The following CDH4 variants were observed in gnomAD, a reference collection of about 807,000 sequenced individuals.
CDH4 encodes cadherin-4.
A neutral mutation model predicts 86.0 loss-of-function variants in CDH4; 33 were observed. The ratio of observed to expected loss-of-function variants is 0.38; its 90% CI spans 0.29 to 0.51. The LOEUF is 0.51. Among genes scored for constraint, CDH4 ranks in the 20% least tolerant of loss-of-function variants. The probability of loss-of-function intolerance (pLI) is 0.86; values close to 1 mark genes in which losing one functional copy is unlikely to be tolerated. For synonymous variants in CDH4, 555 were observed against 549.4 expected (o/e 1.01, Z -0.14); for missense variants, 1,114 against 1,307.4 (o/e 0.85, Z 2.28).
chr20:61,548,077 A>C (rs976174335), intron 2 of CDH4, among the ~76,000 whole-genome samples: 16 of 152,096 alleles, frequency 1.1e-4, no homozygotes, highest in South Asian at 2.1e-4. Flanking sequence ...TCTGTGTCTG[A>C]GCCCAGCCCT....
chr20:61,488,659 G>A (rs577514388), intron 2 of CDH4, among the ~76,000 whole-genome samples: 8 of 152,328 alleles, frequency 5.3e-5, no homozygotes, highest in Admixed American at 2.0e-4. Context: ...GAAAAAAAAT[G>A]GGGCTCTGCA....
At chr20:61,887,616 T>C (rs1185574994) in intron 7 of CDH4, among the ~76,000 whole-genome samples, 1 of 152,256 alleles carries the variant, frequency 6.6e-6, no homozygotes, top group African/African-American at 2.4e-5. Flanking sequence ...TTCCTATACA[T>C]TGAAAGCACC....
intron 2 of CDH4, among the ~76,000 whole-genome samples, chr20:61,395,832 C>G (rs1298105758): frequency 6.6e-6 from 1 of 152,164 alleles, no homozygotes; most frequent in Non-Finnish European, 1.5e-5. Context: ...GGCTTGCTAG[C>G]TTTGCTATCG....
chr20:61,733,861 G>A lies in CDH4; in HGVS notation c.170-9702G>A, dbSNP rs1398415037. Among the ~76,000 whole-genome samples, 3 of 152,170 alleles carry A rather than the reference G, an allele frequency of 2.0e-5. No homozygotes were observed. In the East Asian group the frequency reaches 5.8e-4, roughly 29 times the overall value. On this transcript the variant is annotated intron_variant, in intron 2 of 15. Coordinates refer to ENST00000614565, the MANE Select transcript of CDH4 (RefSeq NM_001794.5). Reference sequence around the variant, plus strand: ...TGATCTTTCTCAATTCACCTAACAAGAAAAACAATAAAAAGGTGTGTTTTG... The same window carrying A: ...TGATCTTTCTCAATTCACCTAACAAAAAAAACAATAAAAAGGTGTGTTTTG...
At chr20:61,908,606 C>CCCGTTTCCCACCCCTTCT (rs1555857110) in intron 8 of CDH4, among the ~76,000 whole-genome samples, 3 of 152,208 alleles carry the variant, frequency 2.0e-5, no homozygotes, top group Non-Finnish European at 4.4e-5. Flanking sequence ...CCGCCCGACG[C>CCCGTTTCCCACCCCTTCT]CCGTTTCCCA....
intron 2 of CDH4, among the ~76,000 whole-genome samples, chr20:61,471,692 T>C (rs2085504673): frequency 6.6e-6 from 1 of 152,004 alleles, no homozygotes; most frequent in African/African-American, 2.4e-5. Flanking sequence ...GTTCCGTAGG[T>C]TTTGCCATGT....
intron 2 of CDH4, among the ~76,000 whole-genome samples, chr20:61,666,708 A>T (rs555734726): frequency 6.6e-6 from 1 of 152,278 alleles, no homozygotes; most frequent in African/African-American, 2.4e-5. Flanking sequence ...CCTCCGCCCC[A>T]GATCGCCACT....
rs754678536 is a variant in CDH4 at position 61,608,787 on chromosome 20, T to C, written c.170-134776T>C. Among the ~76,000 whole-genome samples the C allele has an allele frequency of 2.6e-5, 4 of 152,154 alleles. No homozygotes were observed. The South Asian group carries it at 8.3e-4, about 32-fold the overall frequency. ...CACTGCCACGGGTATCTGGAGGTAT[T>C]TGCCAATGAAGCTGTCATGTGATCA... On this transcript the variant is annotated intron_variant, in intron 2 of 15. Coordinates refer to ENST00000614565, the MANE Select transcript of CDH4 (RefSeq NM_001794.5).
At chr20:61,861,209 G>A (rs1983307495) in intron 6 of CDH4, among the ~76,000 whole-genome samples, 1 of 152,226 alleles carries the variant, frequency 6.6e-6, no homozygotes, top group African/African-American at 2.4e-5. Flanking sequence ...ATGAGGCCTA[G>A]TGAGGTTCCA....
At chr20:61,526,174 C>A (rs535938008) in intron 2 of CDH4, among the ~76,000 whole-genome samples, 38 of 152,154 alleles carry the variant, frequency 2.5e-4, no homozygotes, top group Admixed American at 2.3e-3. Context: ...GTGCCCCTCC[C>A]CCTCCCCGGG....
chr20:61,500,137 G>A (rs1005494336), intron 2 of CDH4, among the ~76,000 whole-genome samples: 5 of 152,212 alleles, frequency 3.3e-5, no homozygotes, highest in South Asian at 2.1e-4. Flanking sequence ...GGAGCAGGGC[G>A]TCCCCTGGCC....
At chr20:61,677,954 A>G (rs771664975) in intron 2 of CDH4, among the ~76,000 whole-genome samples, 4 of 152,160 alleles carry the variant, frequency 2.6e-5, no homozygotes, top group Non-Finnish European at 4.4e-5. Context: ...GGAATGGATG[A>G]TAGATAATAA....
intron 2 of CDH4, among the ~76,000 whole-genome samples, chr20:61,735,370 T>A (rs1428645517): frequency 6.6e-6 from 1 of 152,212 alleles, no homozygotes; most frequent in Non-Finnish European, 1.5e-5. Context: ...TGGGCCACCG[T>A]CACCCCAAGG....
intron 6 of CDH4, among the ~76,000 whole-genome samples, chr20:61,864,571 C>T (rs1364591070): frequency 6.6e-6 from 1 of 152,170 alleles, no homozygotes; most frequent in African/African-American, 2.4e-5. Flanking sequence ...CACTGTGGCT[C>T]AGGGACTCCA....
At chr20:61,509,700 G>T (rs2085766261) in intron 2 of CDH4, among the ~76,000 whole-genome samples, 1 of 152,034 alleles carries the variant, frequency 6.6e-6, no homozygotes, top group Non-Finnish European at 1.5e-5. Flanking sequence ...GAGTGGCAGA[G>T]TCCACGGAAG....
intron 4 of CDH4, among the ~76,000 whole-genome samples, chr20:61,817,718 C>A (rs1980797653): frequency 6.6e-6 from 1 of 152,212 alleles, no homozygotes; most frequent in Admixed American, 6.5e-5. Flanking sequence ...CACGTGCCGC[C>A]TGCCTGGACA....
chr20:61,486,352 A>G (rs758470644), intron 2 of CDH4, among the ~76,000 whole-genome samples: 1 of 152,228 alleles, frequency 6.6e-6, no homozygotes, highest in Non-Finnish European at 1.5e-5. Context: ...GACTGGTAGC[A>G]TTCACACATG....
Position 61,938,946 on chromosome 20 carries a change from G to GCAGA in CDH4, c.*2007_*2010dup, listed in dbSNP as rs1008548333. Reference sequence around the variant, plus strand: ...TGCCACGTGCTGGGTGCCCCCCTCTGCAGACAGCCAGTCCAGGAGATGGAC... The same window carrying GCAGA: ...TGCCACGTGCTGGGTGCCCCCCTCTGCAGACAGACAGCCAGTCCAGGAGATGGAC... On this transcript the variant is annotated 3_prime_UTR_variant, in exon 16 of 16. Transcript: ENST00000614565. 6.6e-6 allele frequency: 1 copy of GCAGA among 152,386 alleles called. No individual in the cohort carries two copies. Among genetic ancestry groups the GCAGA allele is most frequent in the African/African-American group, 2.4e-5 (1 of 41,466 alleles). The allele number at this position is 152,386 out of a possible 1,614,324, so 9.4% of individuals were successfully genotyped here. A position where few individuals can be genotyped will look rare whatever the true frequency, so the allele number is the denominator to read the frequency against.
chr20:61,744,555 G>A lies in CDH4; in HGVS notation c.396+766G>A, dbSNP rs112205058. ...AGAGAGAAGGAGGGAGAGAGATGGA[G>A]AGAGGTGGAGGGAGAGAGAGAAGGA... On this transcript the variant is annotated intron_variant, in intron 3 of 15. Transcript: ENST00000614565. Among the ~76,000 whole-genome samples the A allele has an allele frequency of 3.5e-3, 381 of 108,898 alleles. 2 individuals are homozygous for A. The highest frequency in any genetic ancestry group is 0.016 in the Middle Eastern group (3 of 192). 71.4% of individuals were successfully genotyped at this position (108,898 alleles called of 152,430 possible).
Sources: gnomAD v4.1 joint callset for allele counts (sites outside exome capture counted in the v4.1 genomes callset) on GRCh38, gnomAD v4.1.1 for gene constraint, MANE v1.5 for transcripts, NCBI Gene and HGNC (gene_info 2026-07-23, HGNC 2026-07-21) for gene names.